Variants in CSMD1 observed in about 807,000 individuals in gnomAD.
The protein encoded by CSMD1 is CUB and Sushi multiple domains 1, also known as CUB and sushi domain-containing protein 1.
A neutral mutation model predicts 417.5 loss-of-function variants in CSMD1; 213 were observed. That is an observed-to-expected ratio of 0.51 (90% confidence interval 0.46 to 0.57). The LOEUF (loss-of-function observed/expected upper bound fraction) is 0.57. CSMD1 is among the 20% of genes least tolerant of loss of function. The probability of loss-of-function intolerance (pLI) is 0.00; values close to 1 mark genes in which losing one functional copy is unlikely to be tolerated. For synonymous variants in CSMD1, 2,862 were observed against 1,736.8 expected (o/e 1.65, Z -16.11); for missense variants, 6,923 against 4,529.7 (o/e 1.53, Z -15.17).
chr8:3,115,210 T>C (rs1585388258), intron 42 of CSMD1, among the ~76,000 whole-genome samples: 1 of 137,980 alleles, frequency 7.2e-6, no homozygotes, highest in Admixed American at 7.2e-5. Flanking sequence ...CCCCCCCTTT[T>C]TTTTTTTTGA....
At chr8:3,973,379 T>C (rs1813212499) in intron 5 of CSMD1, among the ~76,000 whole-genome samples, 1 of 152,212 alleles carries the variant, frequency 6.6e-6, no homozygotes, top group African/African-American at 2.4e-5. Context: ...AACTTTCATG[T>C]ATTCACCTAC....
chr8:4,202,199 G>T (rs543901143), intron 3 of CSMD1, among the ~76,000 whole-genome samples: 1 of 151,928 alleles, frequency 6.6e-6, no homozygotes, highest in South Asian at 2.1e-4. Context: ...TTATAATGAC[G>T]CAACAAAATG....
intron 7 of CSMD1, among the ~76,000 whole-genome samples, chr8:3,660,186 A>C (rs1023838905): frequency 2.6e-5 from 4 of 152,164 alleles, no homozygotes; most frequent in Admixed American, 6.5e-5. Flanking sequence ...AGTGGTTTAG[A>C]GTGTGGGTTT....
chr8:4,399,950 T>G (rs1804535967), intron 3 of CSMD1, among the ~76,000 whole-genome samples: 1 of 152,170 alleles, frequency 6.6e-6, no homozygotes, highest in African/African-American at 2.4e-5. Flanking sequence ...CATCTAGGGC[T>G]CTCTGGACCA....
At position 4,259,355 on chromosome 8, in the gene CSMD1, C is replaced by T. The variant is rs181706930; in HGVS notation, c.415+160598G>A. The stretch of plus-strand genomic sequence containing the variant: ...AAATCACAGCCTGAGAACAGGAAAG[C>T]GAGCGGATCTCAAGAAAGGAGAGGA... On this transcript the variant is annotated intron_variant, in intron 3 of 69. Coordinates refer to ENST00000635120, the MANE Select transcript of CSMD1 (RefSeq NM_033225.6). 2.2e-4 allele frequency among the ~76,000 whole-genome samples: 34 copies of T among 152,194 alleles called. No homozygotes were observed. The East Asian group carries it at 5.2e-3, about 23-fold the overall frequency.
At chr8:4,729,678 C>T (rs570386206) in intron 1 of CSMD1, among the ~76,000 whole-genome samples, 2 of 152,308 alleles carry the variant, frequency 1.3e-5, no homozygotes, top group South Asian at 2.1e-4. Flanking sequence ...AGAAGACTAG[C>T]TGTTGTTTGA....
At chr8:3,186,530 A>T (rs1277699039) in intron 36 of CSMD1, among the ~76,000 whole-genome samples, 4 of 152,208 alleles carry the variant, frequency 2.6e-5, no homozygotes, top group African/African-American at 9.7e-5. Context: ...TGAGAACCAG[A>T]GATAAGATCT....
intron 21 of CSMD1, among the ~76,000 whole-genome samples, chr8:3,353,777 T>C (rs1350775629): frequency 6.6e-6 from 1 of 152,182 alleles, no homozygotes; most frequent in African/African-American, 2.4e-5. Flanking sequence ...AGTTTCTTAA[T>C]ACAAATCACT....
intron 5 of CSMD1, among the ~76,000 whole-genome samples, chr8:3,911,342 C>T (rs751831052): frequency 5.7e-4 from 86 of 151,136 alleles, no homozygotes; most frequent in Non-Finnish European, 9.1e-4. Context: ...TCCTAGCTAA[C>T]ACACTGAAAC....
chr8:4,864,943 T>A (rs1400767686), intron 1 of CSMD1, among the ~76,000 whole-genome samples: 2 of 129,516 alleles, frequency 1.5e-5, no homozygotes, highest in Non-Finnish European at 3.3e-5. Flanking sequence ...ACACTGGTAT[T>A]CTGAAAGACA....
rs543969103 is a variant in CSMD1 at position 3,537,703 on chromosome 8, T to C, written c.1344+37242A>G. 3.4e-3 allele frequency among the ~76,000 whole-genome samples: 516 copies of C among 152,342 alleles called. 3 individuals carry two copies. Among genetic ancestry groups the C allele is most frequent in the Middle Eastern group, 0.01 (3 of 294 alleles). The stretch of plus-strand genomic sequence containing the variant: ...CAATACTTTGTATTTGCAAAAATCA[T>C]ATATCACTTCATACATTATCAAGAA... On this transcript the variant is annotated intron_variant, in intron 10 of 69. Coordinates refer to ENST00000635120, the MANE Select transcript of CSMD1 (RefSeq NM_033225.6).
chr8:4,925,694 C>T lies in CSMD1; in HGVS notation c.85+68638G>A, dbSNP rs192665632. On this transcript the variant is annotated intron_variant, in intron 1 of 69. Coordinates refer to ENST00000635120, the MANE Select transcript of CSMD1 (RefSeq NM_033225.6). ...CCCAAGTAGCTGGGACTACAGGCGC[C>T]CGCCACCACGCAGGGCTAATTTTTT... Among the ~76,000 whole-genome samples the T allele has an allele frequency of 5.9e-5, 9 of 152,100 alleles. No homozygotes were observed. The South Asian group carries it at 1.5e-3, about 25-fold the overall frequency.
intron 7 of CSMD1, among the ~76,000 whole-genome samples, chr8:3,707,219 G>T (rs10110793): frequency 0.96 from 146,942 of 152,298 alleles, 71,054 homozygotes; most frequent in Non-Finnish European, 1. Context: ...TCAAAAGATT[G>T]TGATTGTTTC....
chr8:4,254,376 T>G (rs1289058264), intron 3 of CSMD1, among the ~76,000 whole-genome samples: 1 of 152,202 alleles, frequency 6.6e-6, no homozygotes, highest in Non-Finnish European at 1.5e-5. Context: ...ATGGGCTGCA[T>G]GACGATGTCT....
chr8:4,635,369 T>C (rs1009885805), intron 2 of CSMD1, among the ~76,000 whole-genome samples: 1 of 152,150 alleles, frequency 6.6e-6, no homozygotes, highest in Non-Finnish European at 1.5e-5. Flanking sequence ...ATGGTAAGAA[T>C]GTTGTTTTAT....
intron 10 of CSMD1, among the ~76,000 whole-genome samples, chr8:3,531,349 C>T (rs139168152): frequency 5.2e-4 from 79 of 152,160 alleles, no homozygotes; most frequent in Non-Finnish European, 1.0e-3. Context: ...AGCCCCTATC[C>T]GACTTATGCG....
rs1441355185 is a variant in CSMD1 at position 4,404,166 on chromosome 8, CTATT to C, written c.415+15783_415+15786del. 3.3e-5 allele frequency among the ~76,000 whole-genome samples: 5 copies of C among 152,300 alleles called. No homozygotes were observed. The South Asian group carries it at 8.3e-4, about 25-fold the overall frequency. Reference sequence around the variant, plus strand: ...TCAGCGTAGAGCTTTCCGGAACACTCTATTTAATATTGAAACTCAACCTATAGCC... The same window carrying C: ...TCAGCGTAGAGCTTTCCGGAACACTCTAATATTGAAACTCAACCTATAGCC... On this transcript the variant is annotated intron_variant, in intron 3 of 69. Transcript: ENST00000635120.
At chr8:4,452,765 T>C (rs76395359) in intron 2 of CSMD1, among the ~76,000 whole-genome samples, 17,444 of 151,884 alleles carry the variant, frequency 0.11, 1,173 homozygotes, top group South Asian at 0.22. Flanking sequence ...TATCATCCAA[T>C]AACACAAATC....
At chr8:4,195,130 A>T (rs1451370159) in intron 3 of CSMD1, among the ~76,000 whole-genome samples, 2 of 152,206 alleles carry the variant, frequency 1.3e-5, no homozygotes, top group Non-Finnish European at 2.9e-5. Flanking sequence ...TTTAAAGGAA[A>T]AATTCTACTT....
Sources: gnomAD v4.1 joint callset for allele counts (sites outside exome capture counted in the v4.1 genomes callset) on GRCh38, gnomAD v4.1.1 for gene constraint, MANE v1.5 for transcripts, NCBI Gene and HGNC (gene_info 2026-07-23, HGNC 2026-07-21) for gene names.